The following PI4KA variants were observed in gnomAD, a reference collection of about 807,000 sequenced individuals.
PI4KA encodes the protein PI4-kinase alpha.
PI4KA carries 122 observed loss-of-function variants against 271.4 expected under a neutral mutation model. The observed-to-expected ratio is 0.45, with a 90% CI of 0.39 to 0.52. The LOEUF (loss-of-function observed/expected upper bound fraction) is 0.52, where lower values mean the gene tolerates loss of function less well. PI4KA is among the 20% of genes least tolerant of loss of function. PI4KA has a pLI of 0.00. For missense variants in PI4KA, 1,969 were observed against 2,769.1 expected (o/e 0.71, Z 6.48); for synonymous variants, 1,041 against 1,078.8 (o/e 0.96, Z 0.69).
At chr22:20,751,621 G>A in intron 26 of PI4KA, 53 bp downstream of exon 26, 1 of 1,420,516 alleles carries the variant, frequency 7.0e-7, no homozygotes. Flanking sequence ...GGGCCGGCGG[G>A]GTGGTGGTAG....
intron 7 of PI4KA, among the ~76,000 whole-genome samples, chr22:20,813,739 C>T (rs1921374565): frequency 6.6e-6 from 1 of 152,144 alleles, no homozygotes; most frequent in African/African-American, 2.4e-5. Flanking sequence ...CCTAATATTT[C>T]CATCTTAGAC....
chr22:20,744,712 C>T lies in PI4KA; in HGVS notation c.3372G>A (p.Gln1124=), dbSNP rs139138328. ...NKQNTTLGAT[Q]LSERPACVKK... is the part of the protein sequence containing the mutation. ...TCACACAGGCCGGGCGCTCGCTCAGCTGAGTTGCCTACAGACAGATAACCA... is the reference window on the plus strand; with the variant it reads ...TCACACAGGCCGGGCGCTCGCTCAGTTGAGTTGCCTACAGACAGATAACCA... Residue 1124 remains glutamine, a synonymous_variant, in exon 30 of 55, where the codon CAG becomes CAA. Transcript: ENST00000255882. The T allele has an allele frequency of 5.9e-5, 95 of 1,613,742 alleles. No individual in the cohort carries two copies. The African/African-American group carries it at 1.1e-3, about 18-fold the overall frequency.
At position 20,827,791 on chromosome 22, in the gene PI4KA, T is replaced by C. The variant is rs192937085; in HGVS notation, c.368-3377A>G. Among the ~76,000 whole-genome samples the C allele has an allele frequency of 1.7e-3, 256 of 152,236 alleles. 2 individuals are homozygous for C. Among genetic ancestry groups the C allele is most frequent in the African/African-American group, 5.9e-3 (247 of 41,542 alleles). Reference sequence around the variant, plus strand: ...CTCCCTGGTTAGCTGTATTCCAAGGTATTTTATCTTTTCTTTTTTTTGAGA... The same window carrying C: ...CTCCCTGGTTAGCTGTATTCCAAGGCATTTTATCTTTTCTTTTTTTTGAGA... On this transcript the variant is annotated intron_variant, in intron 3 of 54. Transcript: ENST00000255882.
At chr22:20,763,479 G>A (rs1402474720) in intron 22 of PI4KA, among the ~76,000 whole-genome samples, 7 of 149,154 alleles carry the variant, frequency 4.7e-5, no homozygotes, top group Middle Eastern at 3.5e-3. Flanking sequence ...TCGCTCTGTC[G>A]CCCAGGCTGG....
intron 36 of PI4KA, among the ~76,000 whole-genome samples, chr22:20,732,472 CCA>C (rs1928192955): frequency 6.6e-6 from 1 of 152,220 alleles, no homozygotes; most frequent in African/African-American, 2.4e-5. Context: ...GCCGGTGCAG[CCA>C]TTCAGACTCA....
At chr22:20,761,260 T>C (rs1931941541) in intron 23 of PI4KA, 44 bp downstream of exon 23, 1 of 1,149,882 alleles carries the variant, frequency 8.7e-7, no homozygotes. Flanking sequence ...TTTTACCCTA[T>C]TAAAGCTCAA....
intron 3 of PI4KA, among the ~76,000 whole-genome samples, chr22:20,827,780 G>A (rs1004938299): frequency 2.0e-5 from 3 of 152,004 alleles, no homozygotes; most frequent in Non-Finnish European, 2.9e-5. Context: ...CTGGTTAGCT[G>A]TATTCCAAGG....
intron 1 of PI4KA, among the ~76,000 whole-genome samples, chr22:20,842,047 C>T (rs937484813): frequency 6.6e-6 from 1 of 152,072 alleles, no homozygotes; most frequent in African/African-American, 2.4e-5. Context: ...GAAACCCCAT[C>T]TCTACTAAAA....
At position 20,807,953 on chromosome 22, in the gene PI4KA, GA is replaced by G. The variant is rs200885842; in HGVS notation, c.1072-496del. ...TGAAATGTAGCACTATTCTTCTTCTGAAAAAAAAAAAAAAATTCACACAAGG... is the reference window on the plus strand; with the variant it reads ...TGAAATGTAGCACTATTCTTCTTCTGAAAAAAAAAAAAAATTCACACAAGG... On this transcript the variant is annotated intron_variant, in intron 9 of 54. Coordinates refer to ENST00000255882, the MANE Select transcript of PI4KA (RefSeq NM_058004.4). Among the ~76,000 whole-genome samples the G allele has an allele frequency of 5.0e-3, 690 of 137,502 alleles. 3 individuals carry two copies. Among genetic ancestry groups the G allele is most frequent in the African/African-American group, 9.6e-3 (362 of 37,604 alleles). 90.2% of individuals were successfully genotyped at this position (137,502 alleles called of 152,430 possible). A position where few individuals can be genotyped will look rare whatever the true frequency, so the allele number is the denominator to read the frequency against.
At chr22:20,752,690 C>T (rs1025982463) in intron 25 of PI4KA, among the ~76,000 whole-genome samples, 1 of 152,158 alleles carries the variant, frequency 6.6e-6, no homozygotes, top group East Asian at 1.9e-4. Context: ...TAAGTAACAT[C>T]GATAGCTCAG....
At chr22:20,773,535 G>C (rs1212111492) in intron 19 of PI4KA, among the ~76,000 whole-genome samples, 1 of 152,224 alleles carries the variant, frequency 6.6e-6, no homozygotes, top group African/African-American at 2.4e-5. Flanking sequence ...GTGCTGGGCT[G>C]CACCTACTGG....
At chr22:20,815,251 C>T (rs1030177333) in intron 7 of PI4KA, among the ~76,000 whole-genome samples, 1 of 151,544 alleles carries the variant, frequency 6.6e-6, no homozygotes, top group Non-Finnish European at 1.5e-5. Flanking sequence ...CGTGGTGGCA[C>T]GTGCCTGTAA....
chr22:20,847,189 T>G (rs1926381632), intron 1 of PI4KA, among the ~76,000 whole-genome samples: 1 of 151,102 alleles, frequency 6.6e-6, no homozygotes, highest in Non-Finnish European at 1.5e-5. Context: ...ATGCTGGGCT[T>G]AATACACAGG....
chr22:20,778,353 A>AATT (rs1355628714), intron 19 of PI4KA, among the ~76,000 whole-genome samples: 1 of 151,956 alleles, frequency 6.6e-6, no homozygotes. Flanking sequence ...AAAATACAAA[A>AATT]ATTAACCAGG....
rs1934982735 is a variant in PI4KA, at chr22:20,796,314, C to T, written c.2109G>A (p.Arg703=). The change falls in exon 18 of 55, where the codon AGG becomes AGA. Residue 703 remains arginine, a splice_region_variant and synonymous_variant. Transcript: ENST00000255882. ...CATTAATCACTGCCAGGGAGCAATGCCTGAAGAAGAAGGAGTGAAATAACA... is the reference window on the plus strand; with the variant it reads ...CATTAATCACTGCCAGGGAGCAATGTCTGAAGAAGAAGGAGTGAAATAACA... ...ATKDYKDHGY[R]HCSLAVINAL... is the part of the protein sequence containing the mutation. The T allele has an allele frequency of 5.6e-6, 9 of 1,612,432 alleles. No homozygotes were observed. The highest frequency in any genetic ancestry group is 7.6e-6 in the Non-Finnish European group (9 of 1,179,142).
rs1344941412 is a variant in PI4KA, at chr22:20,818,510, C to T, written c.829G>A (p.Gly277Arg). ...ERGMPPPSSP[G>R]GSAFHYFEAS... ...TCAAAGTAGTGAAAGGCAGATCCTC[C>T]AGGGGAACTGGGAGGGGGCATGCCG... Residue 277 changes from glycine to arginine, a missense_variant, in exon 7 of 55, where the codon GGA becomes AGA. Transcript: ENST00000255882. 13 of 1,571,300 alleles carry T rather than the reference C, an allele frequency of 8.3e-6. No homozygotes were observed. Among genetic ancestry groups the T allele is most frequent in the Non-Finnish European group, 1.1e-5 (13 of 1,163,950 alleles).
chr22:20,727,465 G>T, intron 40 of PI4KA, 68 bp from the exon 41 acceptor site: 1 of 1,408,670 alleles, frequency 7.1e-7, no homozygotes. Flanking sequence ...CCTGGTCCAC[G>T]GGCCACACAA....
chr22:20,710,293 C>T, intron 52 of PI4KA: 1 of 547,276 alleles, frequency 1.8e-6, no homozygotes, highest in Non-Finnish European at 3.3e-6. Context: ...GACACGCTGA[C>T]CTGCCTTTCT....
intron 5 of PI4KA, 92 bp downstream of exon 5, chr22:20,820,447 A>AT: frequency 1.2e-6 from 1 of 841,240 alleles, no homozygotes; most frequent in South Asian, 1.5e-5. Flanking sequence ...CATCATATAT[A>AT]TTAGGTACCC....
Sources: allele counts gnomAD v4.1 joint callset (sites outside exome capture counted in the v4.1 genomes callset), GRCh38; gene constraint gnomAD v4.1.1; transcripts MANE v1.5; gene names NCBI Gene and HGNC (gene_info 2026-07-23, HGNC 2026-07-21).